Variants in TCF24 observed in about 807,000 individuals in gnomAD.
TCF24 encodes transcription factor 24.
Under a neutral mutation model 9.3 loss-of-function variants are expected in TCF24, and 5 were observed. The ratio of observed to expected loss-of-function variants is 0.54; its 90% confidence interval spans 0.28 to 1.13. The LOEUF (loss-of-function observed/expected upper bound fraction) is 1.13. TCF24 is among the 50% of genes most tolerant of loss of function. The pLI is 0.09. For synonymous variants in TCF24, 110 were observed against 115.8 expected (o/e 0.95, Z 0.32); for missense variants, 220 against 236.1 (o/e 0.93, Z 0.45).
intron 3 of TCF24, among the ~76,000 whole-genome samples, chr8:66,958,002 G>A (rs1814190060): frequency 2.0e-5 from 3 of 147,772 alleles, no homozygotes; most frequent in East Asian, 2.0e-4. Context: ...TAAAATTAAC[G>A]AAGCAAACCT....
intron 3 of TCF24, among the ~76,000 whole-genome samples, chr8:66,955,359 T>C (rs936368375): frequency 3.3e-5 from 5 of 151,982 alleles, no homozygotes; most frequent in African/African-American, 1.2e-4. Flanking sequence ...TACTTTTGTT[T>C]TTTTTTACTA....
At chr8:66,960,823 C>T (rs147457632) in intron 3 of TCF24, among the ~76,000 whole-genome samples, 7 of 152,220 alleles carry the variant, frequency 4.6e-5, no homozygotes, top group African/African-American at 1.7e-4. Flanking sequence ...TGATATTTAA[C>T]CTTTATTTAA....
intron 2 of TCF24, 41 bp from the exon 3 acceptor site, chr8:66,961,829 G>A: frequency 9.5e-7 from 1 of 1,055,956 alleles, no homozygotes; most frequent in Non-Finnish European, 1.1e-6. Flanking sequence ...GGGGGCGGTC[G>A]GGCTTAACCC....
chr8:66,955,566 A>G (rs997714709), intron 3 of TCF24, among the ~76,000 whole-genome samples: 4 of 152,228 alleles, frequency 2.6e-5, no homozygotes, highest in Non-Finnish European at 4.4e-5. Context: ...GTGCTCAAAT[A>G]GAGGTACAAT....
chr8:66,959,050 G>T (rs1814213618), intron 3 of TCF24, among the ~76,000 whole-genome samples: 2 of 152,120 alleles, frequency 1.3e-5, no homozygotes, highest in Non-Finnish European at 2.9e-5. Flanking sequence ...CAATCTCTTG[G>T]GCTCAAGCAG....
intron 2 of TCF24, 29 bp from the exon 3 acceptor site, chr8:66,961,817 C>CG (rs1231385423): frequency 1.7e-5 from 18 of 1,087,588 alleles, no homozygotes; most frequent in East Asian, 1.5e-4. Flanking sequence ...GCGGTGAGGC[C>CG]GGGGGGCGGT....
chr8:66,960,342 G>A (rs769656653), intron 3 of TCF24, among the ~76,000 whole-genome samples: 2 of 151,768 alleles, frequency 1.3e-5, no homozygotes, highest in African/African-American at 4.8e-5. Context: ...AATATCAGAG[G>A]GTGTGCTTTA....
At chr8:66,948,707 T>TATC (rs1191176883) in intron 3 of TCF24, among the ~76,000 whole-genome samples, 6 of 116,980 alleles carry the variant, frequency 5.1e-5, no homozygotes, top group Admixed American at 8.4e-5. Flanking sequence ...ATCTATCTAT[T>TATC]TTTTTTGAGA....
intron 3 of TCF24, among the ~76,000 whole-genome samples, chr8:66,955,695 A>C (rs1814141769): frequency 6.6e-6 from 1 of 152,228 alleles, no homozygotes; most frequent in African/African-American, 2.4e-5. Context: ...AGACCAATTA[A>C]GTCAGAATGG....
chr8:66,958,605 G>A (rs991932695), intron 3 of TCF24, among the ~76,000 whole-genome samples: 3 of 152,296 alleles, frequency 2.0e-5, no homozygotes, highest in Non-Finnish European at 4.4e-5. Context: ...AGGTTGCAGT[G>A]AGCTGAGATC....
chr8:66,954,412 CAG>C (rs1814114747), intron 3 of TCF24, among the ~76,000 whole-genome samples: 1 of 152,116 alleles, frequency 6.6e-6, no homozygotes, highest in African/African-American at 2.4e-5. Context: ...GCTCGGGGGT[CAG>C]GGGTCAGGGA....
Position 66,961,364 on chromosome 8 carries a change from C to A in TCF24, c.390+12G>T. ...CTCGGCCCCAGCCCCGCGGTGCGCC[C>A]CGCCCGCTTACCTTGACCGGGTGCA... On this transcript the variant is annotated intron_variant, in intron 3 of 3. Transcript: ENST00000563496. The A allele has an allele frequency of 6.8e-7, 1 of 1,460,176 alleles. No individual in the cohort carries two copies. 90.5% of individuals were successfully genotyped at this position (1,460,176 alleles called of 1,614,324 possible).
Position 66,961,409 on chromosome 8 carries a change from G to A in TCF24, c.357C>T (p.Ala119=), listed in dbSNP as rs1033001358. The part of the protein sequence containing the change: ...AEAPADAGLG[A]LRGDGYLHPV... ...GGTGCAGGTAGCCATCGCCGCGCAGGGCGCCCAACCCGGCGTCCGCCGGCG... is the reference window on the plus strand; with the variant it reads ...GGTGCAGGTAGCCATCGCCGCGCAGAGCGCCCAACCCGGCGTCCGCCGGCG... The change falls in exon 3 of 4, where the codon GCC becomes GCT. Residue 119 remains alanine (A), a synonymous_variant. Transcript: ENST00000563496. 1 of 1,513,464 alleles carries A rather than the reference G, an allele frequency of 6.6e-7. No individual in the cohort carries two copies. The allele number at this position is 1,513,464 out of a possible 1,614,324, so 93.8% of individuals were successfully genotyped here.
At chr8:66,954,979 CTGCGCCCACTGTCT>C (rs1814129787) in intron 3 of TCF24, 1 of 155,192 alleles carries the variant, frequency 6.4e-6, no homozygotes, top group Non-Finnish European at 1.4e-5. Flanking sequence ...ACCCACTGAC[CTGCGCCCACTGTCT>C]GGCACTGCCT....
intron 3 of TCF24, among the ~76,000 whole-genome samples, chr8:66,950,633 C>T (rs1311588092): frequency 6.6e-6 from 1 of 152,142 alleles, no homozygotes; most frequent in African/African-American, 2.4e-5. Context: ...TGAAGAAAGT[C>T]ATTGGTAGCT....
chr8:66,952,753 G>A (rs1311265101), intron 3 of TCF24, among the ~76,000 whole-genome samples: 1 of 151,522 alleles, frequency 6.6e-6, no homozygotes, highest in Admixed American at 6.6e-5. Flanking sequence ...GGTCACTCAG[G>A]ACTTGCTTTA....
At chr8:66,957,035 C>T (rs766531126) in intron 3 of TCF24, among the ~76,000 whole-genome samples, 3 of 149,572 alleles carry the variant, frequency 2.0e-5, no homozygotes, top group Non-Finnish European at 4.4e-5. Context: ...ATCGCTTCAA[C>T]CCAGGAGGCG....
At position 66,947,005 on chromosome 8, in the gene TCF24, A is replaced by G. The variant is rs1338633892; in HGVS notation, c.*1046T>C. On this transcript the variant is annotated 3_prime_UTR_variant, in exon 4 of 4. Transcript: ENST00000563496. ...TTAGCACTTCTTATGTCAATAACTT[A>G]TAATAGTGAATGGCTGAATCCAAAT... 2.0e-5 allele frequency: 3 copies of G among 152,242 alleles called. No homozygotes were observed. Among genetic ancestry groups the G allele is most frequent in the East Asian group, 1.9e-4 (1 of 5,208 alleles). The allele number at this position is 152,242 out of a possible 1,614,324, so 9.4% of individuals were successfully genotyped here.
At chr8:66,953,948 A>G (rs1176695646) in intron 3 of TCF24, among the ~76,000 whole-genome samples, 1 of 151,278 alleles carries the variant, frequency 6.6e-6, no homozygotes, top group African/African-American at 2.4e-5. Context: ...CAGCTCCATC[A>G]GCTCCTTTAA....
Sources: gnomAD v4.1 joint callset for allele counts (sites outside exome capture counted in the v4.1 genomes callset) on GRCh38, gnomAD v4.1.1 for gene constraint, MANE v1.5 for transcripts, NCBI Gene and HGNC (gene_info 2026-07-23, HGNC 2026-07-21) for gene names.